Variants in MRPL44 observed in about 807,000 individuals in gnomAD.
The protein encoded by MRPL44 is mitochondrial ribosomal protein L44.
A neutral mutation model predicts 25.9 loss-of-function variants in MRPL44; 21 were observed. The ratio of observed to expected loss-of-function variants is 0.81; its 90% CI spans 0.58 to 1.17. The LOEUF (loss-of-function observed/expected upper bound fraction) is 1.17, where lower values mean the gene tolerates loss of function less well. Ranked by LOEUF, MRPL44 falls within the 50% of genes most tolerant of loss-of-function variation. The pLI, the probability that MRPL44 is intolerant of heterozygous loss-of-function variation, is 0.00. For synonymous variants in MRPL44, 169 were observed against 151.0 expected, an observed-to-expected ratio of 1.12 and a Z score of -0.87; for missense variants, 410 against 398.9, an observed-to-expected ratio of 1.03 and a Z score of -0.24.
rs1478769504 is a variant in MRPL44 at position 223,967,265 on chromosome 2, C to T, written c.*231C>T. On this transcript the variant is annotated 3_prime_UTR_variant, in exon 4 of 4. Transcript: ENST00000258383. ...TTTTTTCTCTTGAGATGGAGTCTTACTCTGTCGCCCAGGCTGGACTGCAGT... is the reference window on the plus strand; with the variant it reads ...TTTTTTCTCTTGAGATGGAGTCTTATTCTGTCGCCCAGGCTGGACTGCAGT... 6.9e-6 allele frequency: 3 copies of T among 435,658 alleles called. No homozygotes were observed. Among genetic ancestry groups the T allele is most frequent in the Non-Finnish European group, 1.2e-5 (3 of 247,350 alleles). The allele number at this position is 435,658 out of a possible 1,614,324, so 27.0% of individuals were successfully genotyped here. A position where few individuals can be genotyped will look rare whatever the true frequency, so the allele number is the denominator to read the frequency against.
rs1303417087 is a variant in MRPL44, at chr2:223,959,586, C to T, written c.232C>T (p.Arg78Trp). The change falls in exon 2 of 4, where the codon CGG (arginine) becomes TGG (tryptophan). Residue 78 changes from arginine (R) to tryptophan (W), a missense_variant. Arg to Trp is a moderately radical substitution (Grantham distance 101). Coordinates refer to ENST00000258383, the MANE Select transcript of MRPL44 (RefSeq NM_022915.5). ...TGCAGAAATACAAGCTTTTGGACAT[C>T]GGTTACAGGAAAACTTTTCCTTAGA... is the stretch of plus-strand genomic sequence containing the variant. ...YHAEIQAFGH[R>W]LQENFSLDLL... 3 of 1,613,676 alleles carry T rather than the reference C, an allele frequency of 1.9e-6. No homozygotes were observed. The highest frequency in any genetic ancestry group is 1.1e-5 in the South Asian group (1 of 90,976).
At position 223,959,697 on chromosome 2, in the gene MRPL44, GTTC is replaced by G. The variant is rs773494966; in HGVS notation, c.348_350del (p.Leu117del). 1.3e-5 allele frequency: 21 copies of G among 1,614,250 alleles called. No individual in the cohort carries two copies. The East Asian group carries it at 1.3e-4, about 10-fold the overall frequency. On this transcript the variant is annotated inframe_deletion, in exon 2 of 4. Transcript: ENST00000258383. ...ACAACTTGGGATAGAGAAAGAAGCT[GTTC>G]TTCTGAATCTTAAAAGTAATCAAGA...
upstream of MRPL44, among the ~76,000 whole-genome samples, chr2:223,956,716 CA>C (rs1246791827): frequency 6.6e-6 from 1 of 152,106 alleles, no homozygotes; most frequent in African/African-American, 2.4e-5. Context: ...GCAGGCAACT[CA>C]AAACTGGGAA....
chr2:223,956,100 C>T (rs1188261997), upstream of MRPL44, among the ~76,000 whole-genome samples: 3 of 152,104 alleles, frequency 2.0e-5, no homozygotes, highest in Non-Finnish European at 4.4e-5. Flanking sequence ...AATGACAGTT[C>T]CCTGCATTTT....
At position 223,959,826 on chromosome 2, in the gene MRPL44, G is replaced by A. The variant is rs770712960; in HGVS notation, c.472G>A (p.Asp158Asn). The change falls in exon 2 of 4, where the codon GAC becomes AAC. Residue 158 changes from aspartate (D) to asparagine (N), a missense_variant. Physicochemically the swap from Asp to Asn is conservative, Grantham distance 23. Transcript: ENST00000258383. The part of the protein sequence containing the change: ...MPTEGIKNLV[D>N]FLTGEEVVCH... ...CACTGAAGGCATAAAAAATCTTGTT[G>A]ACTTTCTCACTGGTGAGGAAGTCGT... is the stretch of plus-strand genomic sequence containing the variant. 1.9e-6 allele frequency: 3 copies of A among 1,614,146 alleles called. No homozygotes were observed. In the South Asian group the frequency reaches 3.3e-5, roughly 18 times the overall value.
Position 223,959,899 on chromosome 2 carries a change from A to G in MRPL44, c.545A>G (p.Glu182Gly), listed in dbSNP as rs1689630062. The change falls in exon 2 of 4, where the codon GAA becomes GGA. Residue 182 changes from glutamate to glycine, a missense_variant. Coordinates refer to ENST00000258383, the MANE Select transcript of MRPL44 (RefSeq NM_022915.5). ...NLAVEQLTLSEEFPVPPAVLQ... is the reference protein window; with the variant it reads ...NLAVEQLTLSGEFPVPPAVLQ... ...GCTGTGGAGCAGTTAACACTGAGTG[A>G]AGAATTCCCAGTGCCCCCAGCTGTG... 6.2e-7 allele frequency: 1 copy of G among 1,614,182 alleles called. No homozygotes were observed. The highest frequency in any genetic ancestry group is 1.1e-5 in the South Asian group (1 of 91,080).
chr2:223,958,625 C>T (rs971726833), intron 1 of MRPL44, among the ~76,000 whole-genome samples: 4 of 152,180 alleles, frequency 2.6e-5, no homozygotes, highest in African/African-American at 7.2e-5. Context: ...TCATACTTTG[C>T]TTCCCTTTGT....
In MRPL44 at chr2:223,957,645, T is replaced by G. The variant is rs1400053893; in HGVS notation, c.173T>G (p.Val58Gly). The G allele has an allele frequency of 6.2e-7, 1 of 1,606,676 alleles. No individual in the cohort carries two copies. The change falls in exon 1 of 4, where the codon GTG becomes GGG. Residue 58 changes from valine (V) to glycine (G), a missense_variant. Physicochemically the swap from Val to Gly is moderately radical, Grantham distance 109. Transcript: ENST00000258383. ...CTTCTGCGGTGCCCGCCGCCGCCCGTGCGCCGGTAGGAGCCACCTCGGGAA... is the reference window on the plus strand; with the variant it reads ...CTTCTGCGGTGCCCGCCGCCGCCCGGGCGCCGGTAGGAGCCACCTCGGGAA... ...QRLLRCPPPP[V>G]RRSEKPNWDY...
At chr2:223,954,539 G>C (rs1689535521), upstream of MRPL44, among the ~76,000 whole-genome samples, 1 of 152,194 alleles carries the variant, frequency 6.6e-6, no homozygotes, top group Non-Finnish European at 1.5e-5. Context: ...AGTCTGACTG[G>C]GAGTGGAGGA....
the MRPL44 span, among the ~76,000 whole-genome samples, chr2:223,951,482 T>TTTTTTGTTTTGTTTTTTG: frequency 8.8e-5 from 12 of 137,022 alleles, 1 homozygote; most frequent in African/African-American, 1.3e-4. Flanking sequence ...CTTGGAGTTT[T>TTTTTTGTTTTGTTTTTTG]TTTTTTTTTT....
intron 3 of MRPL44, among the ~76,000 whole-genome samples, chr2:223,964,377 T>C (rs1689712427): frequency 6.6e-6 from 1 of 152,206 alleles, no homozygotes; most frequent in Non-Finnish European, 1.5e-5. Flanking sequence ...TTGAGAGCTT[T>C]TTAGTTTTGT....
upstream of MRPL44, among the ~76,000 whole-genome samples, chr2:223,956,501 C>A (rs1010576977): frequency 1.3e-5 from 2 of 152,038 alleles, no homozygotes; most frequent in African/African-American, 4.8e-5. Flanking sequence ...ACACTAACCA[C>A]GGAAAGAGGT....
chr2:223,957,438 C>CT, upstream of MRPL44: 1 of 1,613,728 alleles, frequency 6.2e-7, no homozygotes, highest in Non-Finnish European at 8.5e-7. Flanking sequence ...GGCCCGACTA[C>CT]TTTCGTTCCG....
chr2:223,959,961 T>C lies in MRPL44; in HGVS notation c.607T>C (p.Leu203=). ...TTTCTTTGCAGTTATTGGAGCCCTG[T>C]TACAGAGCAGTGGACCTGAGAGGAC... ...QTFFAVIGAL[L]QSSGPERTAL... The change falls in exon 2 of 4, where the codon TTA becomes CTA. Residue 203 remains leucine (L), a synonymous_variant. Coordinates refer to ENST00000258383, the MANE Select transcript of MRPL44 (RefSeq NM_022915.5). 1.2e-6 allele frequency: 2 copies of C among 1,614,174 alleles called. No homozygotes were observed. Among genetic ancestry groups the C allele is most frequent in the Non-Finnish European group, 1.7e-6 (2 of 1,180,010 alleles).
chr2:223,953,349 G>C (rs540198719), upstream of MRPL44, among the ~76,000 whole-genome samples: 1 of 152,174 alleles, frequency 6.6e-6, no homozygotes, highest in African/African-American at 2.4e-5. Context: ...TGGCCAGGCT[G>C]GTCTTGAACT....
intron 2 of MRPL44, among the ~76,000 whole-genome samples, chr2:223,963,322 A>G (rs1227214207): frequency 6.6e-6 from 1 of 152,100 alleles, no homozygotes; most frequent in Non-Finnish European, 1.5e-5. Flanking sequence ...GTGCACCTGT[A>G]GTCTCAGCTG....
chr2:223,951,478 GTT>G, the MRPL44 span, among the ~76,000 whole-genome samples: 4 of 112,534 alleles, frequency 3.6e-5, no homozygotes, highest in Admixed American at 9.6e-5. Flanking sequence ...TTACCTTGGA[GTT>G]TTTTTTTTTT....
chr2:223,960,114 C>CT lies in MRPL44; in HGVS notation c.648+113dup, dbSNP rs141683864. The CT allele has an allele frequency of 2.4e-3, 2,020 of 845,006 alleles. 29 individuals are homozygous for CT. The African/African-American group carries it at 0.03, about 13-fold the overall frequency. The allele number at this position is 845,006 out of a possible 1,614,324, so 52.3% of individuals were successfully genotyped here. A position where few individuals can be genotyped will look rare whatever the true frequency, so the allele number is the denominator to read the frequency against. ...AAGTGAATTTTTCTCCCAAGAAAAACTGAGAAAGACCTAAAGGTTTTTTAT... is the reference window on the plus strand; with the variant it reads ...AAGTGAATTTTTCTCCCAAGAAAAACTTGAGAAAGACCTAAAGGTTTTTTAT... On this transcript the variant is annotated intron_variant, in intron 2 of 3. Coordinates refer to ENST00000258383, the MANE Select transcript of MRPL44 (RefSeq NM_022915.5).
chr2:223,955,561 A>G (rs1689552683), upstream of MRPL44, among the ~76,000 whole-genome samples: 2 of 152,188 alleles, frequency 1.3e-5, no homozygotes, highest in East Asian at 3.8e-4. Flanking sequence ...ATATATAAGC[A>G]ATATCCCTGG....
Sources: allele counts gnomAD v4.1 joint callset (sites outside exome capture counted in the v4.1 genomes callset), GRCh38; gene constraint gnomAD v4.1.1; transcripts MANE v1.5; gene names NCBI Gene and HGNC (gene_info 2026-07-23, HGNC 2026-07-21).